The following RAB27A variants were observed in gnomAD, a reference collection of about 807,000 sequenced individuals.
RAB27A encodes the protein RAB27A, member RAS oncogene family.
A neutral mutation model predicts 20.8 loss-of-function variants in RAB27A; 17 were observed. The observed-to-expected ratio is 0.82, with a 90% CI of 0.56 to 1.23. RAB27A has a LOEUF of 1.23. Among genes scored for constraint, RAB27A ranks in the 50% most tolerant of loss-of-function variants. The pLI, the probability that RAB27A is intolerant of heterozygous loss-of-function variation, is 0.00. For synonymous variants in RAB27A, 85 were observed against 92.8 expected, an observed-to-expected ratio of 0.92 and a Z score of 0.48; for missense variants, 277 against 266.7, an observed-to-expected ratio of 1.04 and a Z score of -0.27.
chr15:55,299,462 C>T (rs754738962), intron 2 of RAB27A, among the ~76,000 whole-genome samples: 3 of 152,048 alleles, frequency 2.0e-5, no homozygotes, highest in Admixed American at 6.6e-5. Context: ...GGCATTGTGG[C>T]TCACACCTGT....
At chr15:55,266,225 C>G (rs1177519737) in intron 2 of RAB27A, among the ~76,000 whole-genome samples, 4 of 152,178 alleles carry the variant, frequency 2.6e-5, no homozygotes, top group Admixed American at 2.0e-4. Flanking sequence ...TGTGAGAATA[C>G]AGTGAAAAGT....
At chr15:55,305,707 CCT>C (rs2054993868) in intron 2 of RAB27A, among the ~76,000 whole-genome samples, 1 of 152,036 alleles carries the variant, frequency 6.6e-6, no homozygotes, top group Non-Finnish European at 1.5e-5. Context: ...ACAGATTCCC[CCT>C]CTTTCAGTGG....
In RAB27A at chr15:55,234,829, A is replaced by T; in HGVS notation, c.106T>A (p.Ser36Thr). The part of the protein sequence containing the change: ...LYQYTDGKFN[S>T]KFITTVGIDF... ...ATGCCCACTGTTGTGATAAATTTGG[A>T]GTTAAATTTACCATCTGTATATTGG... Residue 36 changes from serine (S) to threonine (T), a missense_variant, in exon 3 of 7, where the codon TCC becomes ACC. By Grantham distance (58) the Ser-to-Thr change is moderately conservative. Coordinates refer to ENST00000336787, the MANE Select transcript of RAB27A (RefSeq NM_183235.3). 1 of 1,612,020 alleles carries T rather than the reference A, an allele frequency of 6.2e-7. No individual in the cohort carries two copies. Among genetic ancestry groups the T allele is most frequent in the Non-Finnish European group, 8.5e-7 (1 of 1,178,370 alleles).
chr15:55,207,683 G>GT (rs1894718991), intron 6 of RAB27A, among the ~76,000 whole-genome samples: 3 of 152,032 alleles, frequency 2.0e-5, no homozygotes, highest in Admixed American at 2.0e-4. Context: ...TTTTGTTTTT[G>GT]TTTTGTTTTG....
intron 2 of RAB27A, among the ~76,000 whole-genome samples, chr15:55,301,571 T>G (rs1193063484): frequency 1.3e-5 from 2 of 152,032 alleles, no homozygotes; most frequent in South Asian, 2.1e-4. Context: ...GATTTGGTGG[T>G]TTTTAATATA....
intron 6 of RAB27A, among the ~76,000 whole-genome samples, chr15:55,207,137 C>T (rs1351701696): frequency 2.6e-5 from 4 of 152,092 alleles, no homozygotes; most frequent in African/African-American, 9.7e-5. Flanking sequence ...ATAGAAATCT[C>T]CCAATATTAA....
chr15:55,223,899 C>A lies in RAB27A; in HGVS notation c.457G>T (p.Glu153Ter). The A allele has an allele frequency of 6.2e-7, 1 of 1,613,702 alleles. No homozygotes were observed. Among genetic ancestry groups the A allele is most frequent in the Non-Finnish European group, 8.5e-7 (1 of 1,179,882 alleles). The part of the protein sequence containing the change: ...VKEEEAIALA[E>*]KYGIPYFETS... ...CACAAAAATACTCACCCATATTTCTCTGCGAGTGCTATGGCTTCCTCCTCT... is the reference window on the plus strand; with the variant it reads ...CACAAAAATACTCACCCATATTTCTATGCGAGTGCTATGGCTTCCTCCTCT... The change falls in exon 6 of 7, where the codon GAG (glutamate) becomes TAG (stop). Residue 153 changes from glutamate to a stop codon, truncating the protein, a stop_gained. Coordinates refer to ENST00000336787, the MANE Select transcript of RAB27A (RefSeq NM_183235.3). LOFTEE classifies it high-confidence loss of function.
intron 6 of RAB27A, among the ~76,000 whole-genome samples, chr15:55,210,953 T>C (rs1042558160): frequency 2.0e-5 from 3 of 152,168 alleles, no homozygotes; most frequent in Non-Finnish European, 2.9e-5. Flanking sequence ...TGGTGAGAGA[T>C]AGGGGTCTAG....
In RAB27A at chr15:55,240,030, A is replaced by G. The variant is rs539308345; in HGVS notation, c.-22-5074T>C. ...GTCCATACGTGGCTTTCTCATCACTACTTATCACTACTAGGTGAAGACAAT... is the reference window on the plus strand; with the variant it reads ...GTCCATACGTGGCTTTCTCATCACTGCTTATCACTACTAGGTGAAGACAAT... On this transcript the variant is annotated intron_variant, in intron 2 of 6. Coordinates refer to ENST00000336787, the MANE Select transcript of RAB27A (RefSeq NM_183235.3). Among the ~76,000 whole-genome samples, 7 of 152,226 alleles carry G rather than the reference A, an allele frequency of 4.6e-5. No individual in the cohort carries two copies. In the South Asian group the frequency reaches 1.5e-3, roughly 32 times the overall value.
At chr15:55,277,335 C>T (rs1295378888) in intron 1 of RAB27A, among the ~76,000 whole-genome samples, 1 of 152,118 alleles carries the variant, frequency 6.6e-6, no homozygotes. Flanking sequence ...TGTAAAACAA[C>T]GTCCACGTAT....
chr15:55,212,492 T>A (rs1895072811), intron 6 of RAB27A, among the ~76,000 whole-genome samples: 1 of 152,028 alleles, frequency 6.6e-6, no homozygotes, highest in African/African-American at 2.4e-5. Context: ...TTGAAGACAT[T>A]CTGAATTTTA....
At chr15:55,310,248 G>A (rs530101674) in intron 2 of RAB27A, among the ~76,000 whole-genome samples, 20 of 152,298 alleles carry the variant, frequency 1.3e-4, no homozygotes, top group African/African-American at 3.6e-4. Flanking sequence ...CTGGAGGACA[G>A]TTGTCCAGGA....
rs113505140 is a variant in RAB27A at position 55,206,174 on chromosome 15, G to A, written c.468-469C>T. 1.4e-3 allele frequency: 348 copies of A among 250,488 alleles called. 2 individuals carry two copies. Among genetic ancestry groups the A allele is most frequent in the African/African-American group, 7.7e-3 (333 of 43,290 alleles). 15.5% of individuals were successfully genotyped at this position (250,488 alleles called of 1,614,324 possible). On this transcript the variant is annotated intron_variant, in intron 6 of 6. Coordinates refer to ENST00000336787, the MANE Select transcript of RAB27A (RefSeq NM_183235.3). ...TGCAGTGAGCCAATATTGTGCCACC[G>A]CACTCCAGCCTGGGCAATAGAGTTA...
chr15:55,252,243 A>G (rs1283159278), intron 2 of RAB27A, among the ~76,000 whole-genome samples: 1 of 152,208 alleles, frequency 6.6e-6, no homozygotes, highest in Non-Finnish European at 1.5e-5. Context: ...TAAAAACTAC[A>G]TATTGGGTAC....
Position 55,228,657 on chromosome 15 carries a change from A to C in RAB27A, c.295T>G (p.Phe99Val), listed in dbSNP as rs1371541124. 6.2e-7 allele frequency: 1 copy of C among 1,613,742 alleles called. No homozygotes were observed. The highest frequency in any genetic ancestry group is 1.7e-5 in the Admixed American group (1 of 59,998). Residue 99 changes from phenylalanine to valine, a missense_variant, in exon 5 of 7, where the codon TTT (phenylalanine) becomes GTT (valine). Coordinates refer to ENST00000336787, the MANE Select transcript of RAB27A (RefSeq NM_183235.3). ...AAACTTTGCTCATTTGTCAGATCAAAAAGTAGAAGAAAACCCATAGCATCT... is the reference window on the plus strand; with the variant it reads ...AAACTTTGCTCATTTGTCAGATCAACAAGTAGAAGAAAACCCATAGCATCT... Reference protein sequence around the residue: ...FRDAMGFLLLFDLTNEQSFLN... With the variant: ...FRDAMGFLLLVDLTNEQSFLN...
At chr15:55,228,886 A>T (rs1050776281) in intron 4 of RAB27A, among the ~76,000 whole-genome samples, 174 bp from the exon 5 acceptor site, 4 of 152,250 alleles carry the variant, frequency 2.6e-5, no homozygotes, top group African/African-American at 9.6e-5. Context: ...AAGTGTTAAC[A>T]GACCATGTGA....
chr15:55,296,626 G>A (rs749239248), intron 2 of RAB27A, among the ~76,000 whole-genome samples: 3 of 152,172 alleles, frequency 2.0e-5, no homozygotes, highest in Non-Finnish European at 4.4e-5. Flanking sequence ...TCCTGAGGGA[G>A]GACTATTCCT....
chr15:55,310,028 A>G (rs1035059663), intron 2 of RAB27A, among the ~76,000 whole-genome samples: 1 of 152,072 alleles, frequency 6.6e-6, no homozygotes, highest in Admixed American at 6.6e-5. Context: ...GACTTCAAGC[A>G]GGGGACAACA....
chr15:55,286,276 A>G (rs1477081017), intron 1 of RAB27A, among the ~76,000 whole-genome samples: 1 of 152,186 alleles, frequency 6.6e-6, no homozygotes, highest in Non-Finnish European at 1.5e-5. Flanking sequence ...AGTGCTTAAT[A>G]TATGTCAGAA....
Sources: allele counts gnomAD v4.1 joint callset (sites outside exome capture counted in the v4.1 genomes callset), GRCh38; gene constraint gnomAD v4.1.1; transcripts MANE v1.5; gene names NCBI Gene and HGNC (gene_info 2026-07-23, HGNC 2026-07-21).